ANKS1B: variants seen among roughly 807,000 people sequenced by gnomAD.
The protein encoded by ANKS1B is ankyrin repeat and sterile alpha motif domain-containing protein 1B.
Under a neutral mutation model 148.3 loss-of-function variants are expected in ANKS1B, and 36 were observed. The observed-to-expected ratio is 0.24, with a 90% CI of 0.19 to 0.32. The LOEUF is 0.32. ANKS1B is among the 10% of genes least tolerant of loss of function. The pLI is 1.00. For synonymous variants in ANKS1B, 542 were observed against 560.8 expected, an observed-to-expected ratio of 0.97 and a Z score of 0.47; for missense variants, 1,157 against 1,542.6, an observed-to-expected ratio of 0.75 and a Z score of 4.19.
At chr12:99,498,652 C>G (rs1233871267) in intron 10 of ANKS1B, among the ~76,000 whole-genome samples, 2 of 152,092 alleles carry the variant, frequency 1.3e-5, no homozygotes, top group Non-Finnish European at 2.9e-5. Flanking sequence ...TTGCTCTGTT[C>G]CTTATGCAAT....
At chr12:99,562,440 T>C (rs1190683071) in intron 9 of ANKS1B, among the ~76,000 whole-genome samples, 3 of 152,198 alleles carry the variant, frequency 2.0e-5, no homozygotes, top group South Asian at 2.1e-4. Flanking sequence ...CTTTTTCCAA[T>C]ACAAGACTGT....
intron 9 of ANKS1B, among the ~76,000 whole-genome samples, chr12:99,568,447 T>C (rs985126435): frequency 6.6e-6 from 1 of 152,220 alleles, no homozygotes. Context: ...GAAGGTAACA[T>C]TTTACAAACT....
intron 1 of ANKS1B, among the ~76,000 whole-genome samples, chr12:99,866,961 T>C (rs938951041): frequency 1.3e-5 from 2 of 152,260 alleles, no homozygotes; most frequent in African/African-American, 2.4e-5. Flanking sequence ...AGATAGCAAC[T>C]GTGTATGTCC....
In ANKS1B at chr12:99,053,199, C is replaced by A. The variant is rs80197475; in HGVS notation, c.2736G>T (p.Ser912=). 3.7e-6 allele frequency: 6 copies of A among 1,608,998 alleles called. No individual in the cohort carries two copies. The South Asian group carries it at 6.7e-5, about 18-fold the overall frequency. Residue 912 remains serine (S), a synonymous_variant, in exon 17 of 27, where the codon TCG becomes TCT. Coordinates refer to ENST00000683438, the MANE Select transcript of ANKS1B (RefSeq NM_001352186.2). Reference sequence around the variant, plus strand: ...CCCAGATTTTTTTCAACAGGTCCATCGAAGTGTAGCCATTAATTAGAAAGG... The same window carrying A: ...CCCAGATTTTTTTCAACAGGTCCATAGAAGTGTAGCCATTAATTAGAAAGG... ...TKAFLINGYT[S]MDLLKKIWEV...
chr12:99,618,934 T>G (rs952554928), intron 9 of ANKS1B, among the ~76,000 whole-genome samples: 1 of 152,142 alleles, frequency 6.6e-6, no homozygotes, highest in Admixed American at 6.5e-5. Flanking sequence ...AGCACCTCAG[T>G]AGTCGGCACT....
At chr12:98,891,414 T>TA (rs999374368) in intron 17 of ANKS1B, among the ~76,000 whole-genome samples, 9 of 152,156 alleles carry the variant, frequency 5.9e-5, no homozygotes, top group Non-Finnish European at 1.0e-4. Flanking sequence ...ATTTGACTTC[T>TA]AAAAAATCAT....
At chr12:99,223,416 C>T (rs146091585) in intron 14 of ANKS1B, among the ~76,000 whole-genome samples, 674 of 152,078 alleles carry the variant, frequency 4.4e-3, no homozygotes, top group African/African-American at 0.013. Flanking sequence ...CTCACTACAA[C>T]GTAGAATCAG....
chr12:99,558,909 C>G (rs1396731736), intron 9 of ANKS1B, among the ~76,000 whole-genome samples: 3 of 152,184 alleles, frequency 2.0e-5, no homozygotes, highest in Non-Finnish European at 4.4e-5. Flanking sequence ...AGGCAGCTCT[C>G]CCTGCCAGCT....
intron 8 of ANKS1B, among the ~76,000 whole-genome samples, chr12:99,703,442 T>C (rs1470857761): frequency 6.6e-6 from 1 of 152,166 alleles, no homozygotes; most frequent in Admixed American, 6.5e-5. Flanking sequence ...TTTTTATATT[T>C]TGACTGAAAC....
intron 14 of ANKS1B, among the ~76,000 whole-genome samples, chr12:99,204,427 T>G (rs1233210499): frequency 6.6e-6 from 1 of 152,154 alleles, no homozygotes; most frequent in East Asian, 1.9e-4. Flanking sequence ...TAACATAAAT[T>G]AATGGGTCTT....
At chr12:99,456,330 A>C (rs949260097) in intron 10 of ANKS1B, among the ~76,000 whole-genome samples, 1 of 61,388 alleles carries the variant, frequency 1.6e-5, no homozygotes, top group Non-Finnish European at 2.9e-5. Flanking sequence ...AGGAACCAGA[A>C]AAAAACAATT....
chr12:99,211,719 A>C (rs2083371042), intron 14 of ANKS1B, among the ~76,000 whole-genome samples: 1 of 152,244 alleles, frequency 6.6e-6, no homozygotes, highest in Non-Finnish European at 1.5e-5. Context: ...AACACATGAC[A>C]TCAAGTGGAG....
At chr12:98,784,493 G>A (rs1252554837) in intron 22 of ANKS1B, among the ~76,000 whole-genome samples, 1 of 152,216 alleles carries the variant, frequency 6.6e-6, no homozygotes. Flanking sequence ...TCACACAGGA[G>A]CTGCTACTTT....
At chr12:98,951,574 T>G (rs2099854164) in intron 17 of ANKS1B, among the ~76,000 whole-genome samples, 1 of 152,152 alleles carries the variant, frequency 6.6e-6, no homozygotes, top group African/African-American at 2.4e-5. Flanking sequence ...CTGGCATCTG[T>G]GCCCTTTGCA....
At chr12:99,551,877 T>C (rs1307800015) in intron 9 of ANKS1B, among the ~76,000 whole-genome samples, 2 of 152,140 alleles carry the variant, frequency 1.3e-5, no homozygotes, top group African/African-American at 2.4e-5. Flanking sequence ...TGACTCTTAA[T>C]GTAGGTTGCA....
At chr12:99,033,728 A>AAC (rs1476247093) in intron 17 of ANKS1B, among the ~76,000 whole-genome samples, 4 of 151,994 alleles carry the variant, frequency 2.6e-5, no homozygotes, top group Admixed American at 6.5e-5. Context: ...TGCGTGTGTG[A>AAC]ACACACACAC....
intron 8 of ANKS1B, among the ~76,000 whole-genome samples, chr12:99,673,411 T>C (rs539573390): frequency 6.6e-6 from 1 of 151,948 alleles, no homozygotes; most frequent in African/African-American, 2.4e-5. Flanking sequence ...ATCCCAAACA[T>C]CCAGAAAACA....
chr12:99,803,103 G>A (rs773675594), intron 4 of ANKS1B, among the ~76,000 whole-genome samples: 1 of 151,926 alleles, frequency 6.6e-6, no homozygotes, highest in South Asian at 2.1e-4. Flanking sequence ...AGGTTAGCTA[G>A]AGCAGTTTAA....
At chr12:99,132,198 G>T (rs546981060) in intron 15 of ANKS1B, among the ~76,000 whole-genome samples, 17 of 152,324 alleles carry the variant, frequency 1.1e-4, no homozygotes, top group African/African-American at 3.8e-4. Context: ...TCTGGAGGCT[G>T]TAGAAAGGTG....
Sources: gnomAD v4.1 joint callset for allele counts (sites outside exome capture counted in the v4.1 genomes callset) on GRCh38, gnomAD v4.1.1 for gene constraint, MANE v1.5 for transcripts, NCBI Gene and HGNC (gene_info 2026-07-23, HGNC 2026-07-21) for gene names.